Variants in NEURL3 observed in about 807,000 individuals in gnomAD.
NEURL3 encodes the protein neuralized E3 ubiquitin protein ligase 3.
A neutral mutation model predicts 17.6 loss-of-function variants in NEURL3; 19 were observed. The ratio of observed to expected loss-of-function variants is 1.08; its 90% CI spans 0.75 to 1.58. The LOEUF is 1.58. NEURL3 is among the 40% of genes most tolerant of loss of function. NEURL3 has a pLI of 0.00. For synonymous variants in NEURL3, 180 were observed against 161.4 expected (o/e 1.11, Z -0.87); for missense variants, 342 against 379.6 (o/e 0.90, Z 0.82).
Position 96,500,844 on chromosome 2 carries a change from T to A in NEURL3, c.109A>T (p.Ile37Phe). The change falls in exon 2 of 4, where the codon ATC (isoleucine) becomes TTC (phenylalanine). Residue 37 changes from isoleucine (I) to phenylalanine (F), a missense_variant. Transcript: ENST00000451794. ...AQVRLDTRGC[I>F]AHRRTTFHDG... is the part of the protein sequence containing the mutation. ...TGGAACGTGGTGCGCCTGTGCGCGA[T>A]GCAGCCACGCGTGTCCAGACGCACC... The A allele has an allele frequency of 6.5e-7, 1 of 1,532,842 alleles. No homozygotes were observed. Among genetic ancestry groups the A allele is most frequent in the South Asian group, 1.2e-5 (1 of 83,968 alleles). The allele number at this position is 1,532,842 out of a possible 1,614,324, so 95.0% of individuals were successfully genotyped here. A position where few individuals can be genotyped will look rare whatever the true frequency, so the allele number is the denominator to read the frequency against.
chr2:96,501,741 C>T (rs1309251100), intron 1 of NEURL3, among the ~76,000 whole-genome samples: 3 of 152,166 alleles, frequency 2.0e-5, no homozygotes, highest in Non-Finnish European at 2.9e-5. Context: ...ACTCAGCCTG[C>T]AGGAAGCTGG....
chr2:96,500,545 C>T lies in NEURL3; in HGVS notation c.408G>A (p.Lys136=), dbSNP rs1241133226. The change falls in exon 2 of 4, where the codon AAG becomes AAA. Residue 136 remains lysine (K), a synonymous_variant. Coordinates refer to ENST00000451794, the MANE Select transcript of NEURL3 (RefSeq NM_001285485.2). The part of the protein sequence containing the change: ...WVDRRGCLFA[K]VNAGCRLLLR... The stretch of plus-strand genomic sequence containing the variant: ...GCAGGAGCCGGCAGCCGGCGTTGAC[C>T]TTGGCGAAGAGGCAGCCGCGGCGGT... 6.4e-7 allele frequency: 1 copy of T among 1,568,778 alleles called. No individual in the cohort carries two copies. Among genetic ancestry groups the T allele is most frequent in the Admixed American group, 1.8e-5 (1 of 55,052 alleles).
At position 96,498,028 on chromosome 2, in the gene NEURL3, A is replaced by T. The variant is rs2065460373; in HGVS notation, c.*216T>A. The T allele has an allele frequency of 3.5e-6, 2 of 576,492 alleles. No homozygotes were observed. Among genetic ancestry groups the T allele is most frequent in the Admixed American group, 3.2e-5 (1 of 31,284 alleles). 35.7% of individuals were successfully genotyped at this position (576,492 alleles called of 1,614,324 possible). A position where few individuals can be genotyped will look rare whatever the true frequency, so the allele number is the denominator to read the frequency against. ...ACCCCATCAGAAGGATAGTTCTGGC[A>T]TGGACAGAAAGAGGGGTTTTTCCTT... On this transcript the variant is annotated 3_prime_UTR_variant, in exon 4 of 4. Coordinates refer to ENST00000451794, the MANE Select transcript of NEURL3 (RefSeq NM_001285485.2). The surrounding 1 kb of genome is among the most constrained non-coding windows in gnomAD (Gnocchi z 4.4).
Position 96,500,548 on chromosome 2 carries a change from G to GGC in NEURL3, c.403_404dup (p.Lys136ProfsTer24). On this transcript the variant is annotated frameshift_variant, in exon 2 of 4. Coordinates refer to ENST00000451794, the MANE Select transcript of NEURL3 (RefSeq NM_001285485.2). LOFTEE classifies it high-confidence loss of function. ...GGAGCCGGCAGCCGGCGTTGACCTT[G>GGC]GCGAAGAGGCAGCCGCGGCGGTCCA... is the stretch of plus-strand genomic sequence containing the variant. The GGC allele has an allele frequency of 1.9e-6, 3 of 1,566,010 alleles. No individual in the cohort carries two copies. Among genetic ancestry groups the GGC allele is most frequent in the Non-Finnish European group, 2.6e-6 (3 of 1,164,714 alleles).
upstream of NEURL3, chr2:96,505,438 G>C: frequency 5.6e-6 from 4 of 715,578 alleles, no homozygotes; most frequent in Non-Finnish European, 9.5e-6. Flanking sequence ...GTGCTGTCAT[G>C]TGTTACTATA....
chr2:96,500,768 G>A lies in NEURL3; in HGVS notation c.185C>T (p.Ala62Val), dbSNP rs1242798780. 3 of 1,525,772 alleles carry A rather than the reference G, an allele frequency of 2.0e-6. No homozygotes were observed. The highest frequency in any genetic ancestry group is 1.4e-5 in the African/African-American group (1 of 71,960). 94.5% of individuals were successfully genotyped at this position (1,525,772 alleles called of 1,614,324 possible). Residue 62 changes from alanine (A) to valine (V), a missense_variant, in exon 2 of 4, where the codon GCG becomes GTG. Coordinates refer to ENST00000451794, the MANE Select transcript of NEURL3 (RefSeq NM_001285485.2). ...GCTCTCCTCCCGCAGCACTCGCAGCGCCACACGCTCGCCCAGGCGCACCGG... is the reference window on the plus strand; with the variant it reads ...GCTCTCCTCCCGCAGCACTCGCAGCACCACACGCTCGCCCAGGCGCACCGG... The part of the protein sequence containing the change: ...QRPVRLGERV[A>V]LRVLREESGW...
At chr2:96,503,608 C>G (rs1199134906) in intron 1 of NEURL3, among the ~76,000 whole-genome samples, 1 of 152,094 alleles carries the variant, frequency 6.6e-6, no homozygotes, top group Non-Finnish European at 1.5e-5. Flanking sequence ...AACCCACCCC[C>G]GACCCACCAG....
chr2:96,505,283 C>G lies in NEURL3; in HGVS notation c.4G>C (p.Gly2Arg). The G allele has an allele frequency of 6.3e-7, 1 of 1,599,198 alleles. No individual in the cohort carries two copies. The highest frequency in any genetic ancestry group is 8.5e-7 in the Non-Finnish European group (1 of 1,179,798). ...CTGGCCTCGAAGCAGAGCTGGGCAC[C>G]CATCAGTCTAAGGTCCTCGGGCACA... is the stretch of plus-strand genomic sequence containing the variant. M[G>R]AQLCFEANAK... Residue 2 changes from glycine to arginine, a missense_variant, in exon 1 of 4, where the codon GGT (glycine) becomes CGT (arginine). Gly to Arg is a moderately radical substitution (Grantham distance 125, BLOSUM62 -2). Coordinates refer to ENST00000451794, the MANE Select transcript of NEURL3 (RefSeq NM_001285485.2).
Position 96,499,446 on chromosome 2 carries a change from G to A in NEURL3, c.518C>T (p.Pro173Leu). 6.3e-7 allele frequency: 1 copy of A among 1,599,508 alleles called. No homozygotes were observed. ...GGGTGTTGGGAGCCGGCTGGCTGTG[G>A]GATCTGAGGCAGAGAGAGAAACTCA... ...GTTKAIELLD[P>L]TASRLPTPMP... The change falls in exon 3 of 4, where the codon CCC becomes CTC. Residue 173 changes from proline to leucine, a missense_variant. Physicochemically the swap from Pro to Leu is moderately conservative, Grantham distance 98 (BLOSUM62 -3). Coordinates refer to ENST00000451794, the MANE Select transcript of NEURL3 (RefSeq NM_001285485.2).
In NEURL3 at chr2:96,498,367, G is replaced by A. The variant is rs1387598354; in HGVS notation, c.666C>T (p.Phe222=). 2 of 1,599,528 alleles carry A rather than the reference G, an allele frequency of 1.3e-6. No individual in the cohort carries two copies. Among genetic ancestry groups the A allele is most frequent in the Non-Finnish European group, 1.7e-6 (2 of 1,179,812 alleles). Residue 222 remains phenylalanine (F), a synonymous_variant, in exon 4 of 4, where the codon TTC becomes TTT. Coordinates refer to ENST00000451794, the MANE Select transcript of NEURL3 (RefSeq NM_001285485.2). This position sits in a 1 kb window ranked among gnomAD's most constrained non-coding sequence, Gnocchi z 4.4. ...AGACCCGCCAGGCACAGTATCTGCAGAAGTATGTGTGGCCGCAGGGCACAA... is the reference window on the plus strand; with the variant it reads ...AGACCCGCCAGGCACAGTATCTGCAAAAGTATGTGTGGCCGCAGGGCACAA... ...TRLVPCGHTY[F]CRYCAWRVFS... is the part of the protein sequence containing the mutation.
Position 96,500,943 on chromosome 2 carries a change from G to A in NEURL3, c.29-19C>T. ...TTGGCGTCTGTGGGTTGAGGATGGG[G>A]AGTGTCAGTGCTAACCGGGTCTGGA... On this transcript the variant is annotated intron_variant, in intron 1 of 3. Transcript: ENST00000451794. 6.5e-7 allele frequency: 1 copy of A among 1,541,570 alleles called. No homozygotes were observed. Among genetic ancestry groups the A allele is most frequent in the South Asian group, 1.2e-5 (1 of 82,406 alleles).
chr2:96,506,517 T>A (rs2065561938), upstream of NEURL3, among the ~76,000 whole-genome samples: 1 of 152,184 alleles, frequency 6.6e-6, no homozygotes, highest in Non-Finnish European at 1.5e-5. Context: ...TGGACCCCAC[T>A]TTCGGGGGCA....
chr2:96,504,062 G>T (rs556915680), intron 1 of NEURL3, among the ~76,000 whole-genome samples: 1 of 152,168 alleles, frequency 6.6e-6, no homozygotes, highest in East Asian at 1.9e-4. Context: ...GACTGCCTGC[G>T]GGCTAAGCAG....
chr2:96,498,227 T>C lies in NEURL3; in HGVS notation c.*17A>G. 1 of 1,526,812 alleles carries C rather than the reference T, an allele frequency of 6.5e-7. No homozygotes were observed. The highest frequency in any genetic ancestry group is 1.2e-5 in the South Asian group (1 of 83,304). 94.6% of individuals were successfully genotyped at this position (1,526,812 alleles called of 1,614,324 possible). On this transcript the variant is annotated 3_prime_UTR_variant, in exon 4 of 4. Transcript: ENST00000451794. The surrounding 1 kb of genome is among the most constrained non-coding windows in gnomAD (Gnocchi z 4.4). The stretch of plus-strand genomic sequence containing the variant: ...AGATCTAGGCCCGGGCTGCCACTCA[T>C]ACTGGGAAGCCTCCTTTCATGAGCC...
intron 1 of NEURL3, among the ~76,000 whole-genome samples, chr2:96,504,278 C>CT (rs900874735): frequency 0.15 from 15 of 100 alleles, no homozygotes; most frequent in Admixed American, 0.31. Context: ...CTCATCCCGC[C>CT]TCGGGGAAGC....
intron 2 of NEURL3, 145 bp from the exon 3 acceptor site, chr2:96,499,594 G>T: frequency 1.5e-6 from 1 of 657,442 alleles, no homozygotes; most frequent in Non-Finnish European, 2.6e-6. Flanking sequence ...TTAAGACCCT[G>T]TCCTGGCCAT....
chr2:96,499,130 A>C, intron 3 of NEURL3: 1 of 1,263,558 alleles, frequency 7.9e-7, no homozygotes, highest in Non-Finnish European at 1.0e-6. Context: ...AATGTGGATG[A>C]TTTTTTAAAG....
intron 1 of NEURL3, among the ~76,000 whole-genome samples, chr2:96,504,877 C>CAAAAAAACAAAAAAAAAAA (rs2065546823): frequency 1.8e-5 from 1 of 55,280 alleles, no homozygotes; most frequent in Admixed American, 2.1e-4. Flanking sequence ...GACTCCGTCT[C>CAAAAAAACAAAAAAAAAAA]AAAAAAAAAA....
rs2065500910 is a variant in NEURL3, at chr2:96,500,903, G to A, written c.50C>T (p.Ala17Val). The stretch of plus-strand genomic sequence containing the variant: ...CTTGGCCTCGGCATGGAAGCGAAGT[G>A]CCTCTCGGGGCGCCTTGGCGTCTGT... ...FEANAKAPRE[A>V]LRFHAEAKGA... Residue 17 changes from alanine to valine, a missense_variant, in exon 2 of 4, where the codon GCA becomes GTA. Coordinates refer to ENST00000451794, the MANE Select transcript of NEURL3 (RefSeq NM_001285485.2). 1.3e-6 allele frequency: 2 copies of A among 1,565,232 alleles called. No homozygotes were observed. Among genetic ancestry groups the A allele is most frequent in the Non-Finnish European group, 1.7e-6 (2 of 1,164,898 alleles).
Sources: gnomAD v4.1 joint callset for allele counts (sites outside exome capture counted in the v4.1 genomes callset) on GRCh38, gnomAD v4.1.1 for gene constraint, Gnocchi (gnomAD v3.1) non-coding constraint, MANE v1.5 for transcripts, NCBI Gene and HGNC (gene_info 2026-07-23, HGNC 2026-07-21) for gene names.